The following UBE2R2 variants were observed in gnomAD, a reference collection of about 807,000 sequenced individuals.
The protein encoded by UBE2R2 is ubiquitin-conjugating enzyme E2 R2.
UBE2R2 carries 1 observed loss-of-function variant against 27.8 expected under a neutral mutation model. The observed-to-expected ratio is 0.04, with a 90% CI of 0.01 to 0.17. UBE2R2 has a LOEUF of 0.17. UBE2R2 is among the 10% of genes least tolerant of loss of function. The pLI is 1.00. For missense variants in UBE2R2, 100 were observed against 291.0 expected (o/e 0.34, Z 4.78); for synonymous variants, 106 against 113.3 (o/e 0.94, Z 0.41).
At chr9:33,851,238 G>T (rs1467981554) in intron 1 of UBE2R2, among the ~76,000 whole-genome samples, 1 of 152,178 alleles carries the variant, frequency 6.6e-6, no homozygotes. Context: ...CCATTTGAGG[G>T]TGAGTTGCCA....
intron 1 of UBE2R2, among the ~76,000 whole-genome samples, chr9:33,820,941 G>A (rs1422864051): frequency 6.6e-6 from 1 of 152,086 alleles, no homozygotes; most frequent in Non-Finnish European, 1.5e-5. Context: ...GCCAATCCAC[G>A]TGATTCTTAG....
At chr9:33,862,618 GCTT>G (rs1239326529) in intron 1 of UBE2R2, among the ~76,000 whole-genome samples, 1 of 152,114 alleles carries the variant, frequency 6.6e-6, no homozygotes, top group Non-Finnish European at 1.5e-5. Context: ...TTCTAGCTAA[GCTT>G]CTCAGAATCC....
chr9:33,887,643 CTTTT>C (rs750747902), intron 2 of UBE2R2, among the ~76,000 whole-genome samples: 58 of 139,968 alleles, frequency 4.1e-4, no homozygotes, highest in South Asian at 1.5e-3. Context: ...TATAAGTGTG[CTTTT>C]TTGTTTGTTT....
intron 1 of UBE2R2, among the ~76,000 whole-genome samples, chr9:33,827,622 CAA>C (rs1047864068): frequency 2.5e-4 from 37 of 150,158 alleles, no homozygotes; most frequent in Non-Finnish European, 2.2e-4. Flanking sequence ...GCCTGGGCAA[CAA>C]GAGTGAAATT....
Position 33,915,307 on chromosome 9 carries a change from G to A in UBE2R2, c.498-1711G>A, listed in dbSNP as rs369572911. ...TCATTTATTCAGAGAAGTAAAATGG[G>A]AGAAACTGTCCATAGAGGTAGAAAA... On this transcript the variant is annotated intron_variant, in intron 4 of 4. Coordinates refer to ENST00000263228, the MANE Select transcript of UBE2R2 (RefSeq NM_017811.4). Among the ~76,000 whole-genome samples the A allele has an allele frequency of 5.9e-5, 9 of 152,234 alleles. No individual in the cohort carries two copies. In the East Asian group the frequency reaches 7.7e-4, roughly 13 times the overall value.
chr9:33,824,418 C>T (rs527980421), intron 1 of UBE2R2, among the ~76,000 whole-genome samples: 1 of 151,970 alleles, frequency 6.6e-6, no homozygotes, highest in South Asian at 2.1e-4. Flanking sequence ...GGGCGGATCA[C>T]GAGGTCAGGA....
At chr9:33,901,912 CTTTTTTTTTTTT>C (rs529372244) in intron 3 of UBE2R2, among the ~76,000 whole-genome samples, 2 of 132,274 alleles carry the variant, frequency 1.5e-5, no homozygotes, top group Non-Finnish European at 3.3e-5. Context: ...TCTCATATTT[CTTTTTTTTTTTT>C]TTTTTTTAAG....
At chr9:33,836,335 T>C (rs545698027) in intron 1 of UBE2R2, among the ~76,000 whole-genome samples, 3 of 152,372 alleles carry the variant, frequency 2.0e-5, no homozygotes, top group South Asian at 4.1e-4. Flanking sequence ...GCATGCTGTA[T>C]GATGTTCACA....
chr9:33,885,265 A>G (rs1226941723), intron 1 of UBE2R2, among the ~76,000 whole-genome samples: 2 of 152,224 alleles, frequency 1.3e-5, no homozygotes, highest in African/African-American at 4.8e-5. Flanking sequence ...TCATGGTATT[A>G]TAGACTCACA....
At chr9:33,827,130 CTTATTA>C (rs925700356) in intron 1 of UBE2R2, among the ~76,000 whole-genome samples, 22 of 152,024 alleles carry the variant, frequency 1.4e-4, no homozygotes, top group South Asian at 2.1e-4. Context: ...TGGTTATTGT[CTTATTA>C]TTATTATTAT....
intron 3 of UBE2R2, among the ~76,000 whole-genome samples, chr9:33,903,970 T>C (rs71519297): frequency 7.0e-4 from 106 of 152,330 alleles, no homozygotes; most frequent in African/African-American, 2.4e-3. Flanking sequence ...ATGTAATCAT[T>C]GGGTAGTCCT....
At chr9:33,819,251 T>G (rs551949925) in intron 1 of UBE2R2, among the ~76,000 whole-genome samples, 1 of 152,310 alleles carries the variant, frequency 6.6e-6, no homozygotes, top group South Asian at 2.1e-4. Context: ...ACTACCCAAT[T>G]ACTTAACTCT....
chr9:33,847,210 T>C (rs1051355789), intron 1 of UBE2R2, among the ~76,000 whole-genome samples: 1 of 151,886 alleles, frequency 6.6e-6, no homozygotes, highest in Admixed American at 6.6e-5. Flanking sequence ...CGATTTTCCT[T>C]CTCTGCCTCC....
chr9:33,817,694 C>A lies in UBE2R2; in HGVS notation c.-64C>A. On this transcript the variant is annotated 5_prime_UTR_variant, in exon 1 of 5. Coordinates refer to ENST00000263228, the MANE Select transcript of UBE2R2 (RefSeq NM_017811.4). ...GCGAGCGGAGGGGAGGGGCCTGGTC[C>A]GGCCCGGCCGGTGCGTGAGGACTGG... The A allele has an allele frequency of 2.3e-6, 3 of 1,302,556 alleles. No homozygotes were observed. Among genetic ancestry groups the A allele is most frequent in the Non-Finnish European group, 1.9e-6 (2 of 1,026,058 alleles). The allele number at this position is 1,302,556 out of a possible 1,614,324, so 80.7% of individuals were successfully genotyped here.
chr9:33,892,086 T>A (rs981260871), intron 2 of UBE2R2, among the ~76,000 whole-genome samples: 2 of 152,220 alleles, frequency 1.3e-5, no homozygotes, highest in South Asian at 4.1e-4. Flanking sequence ...TAAGGAAATT[T>A]GATAGGAATT....
chr9:33,821,526 C>T (rs947191016), intron 1 of UBE2R2, among the ~76,000 whole-genome samples: 1 of 152,098 alleles, frequency 6.6e-6, no homozygotes, highest in African/African-American at 2.4e-5. Context: ...TACTGAACCT[C>T]CTTGGAACTT....
intron 3 of UBE2R2, among the ~76,000 whole-genome samples, chr9:33,909,676 C>T (rs1234785662): frequency 1.3e-5 from 2 of 152,106 alleles, no homozygotes; most frequent in African/African-American, 2.4e-5. Flanking sequence ...ACCTCGGCCT[C>T]CCAAAGTGCT....
chr9:33,865,909 G>C (rs1202396137), intron 1 of UBE2R2, among the ~76,000 whole-genome samples: 2 of 149,786 alleles, frequency 1.3e-5, no homozygotes, highest in Non-Finnish European at 3.0e-5. Context: ...TCGGCTCACT[G>C]TAACTTCCAC....
intron 1 of UBE2R2, among the ~76,000 whole-genome samples, chr9:33,845,909 G>A (rs1481778811): frequency 1.3e-5 from 2 of 152,004 alleles, no homozygotes; most frequent in Non-Finnish European, 2.9e-5. Context: ...TTGGGAGGCC[G>A]AGGTGGGCGG....
Sources: gnomAD v4.1 joint callset for allele counts (sites outside exome capture counted in the v4.1 genomes callset) on GRCh38, gnomAD v4.1.1 for gene constraint, MANE v1.5 for transcripts, NCBI Gene and HGNC (gene_info 2026-07-23, HGNC 2026-07-21) for gene names.